The following RAD51B variants were observed in gnomAD, a reference collection of about 807,000 sequenced individuals.
RAD51B encodes the protein DNA repair protein RAD51 homolog 2.
RAD51B carries 38 observed loss-of-function variants against 42.2 expected under a neutral mutation model. That is an observed-to-expected ratio of 0.90 (90% CI 0.70 to 1.18). RAD51B has a LOEUF of 1.18. Ranked by LOEUF, RAD51B falls within the 50% of genes most tolerant of loss-of-function variation. The pLI is 0.00. For missense variants in RAD51B, 373 were observed against 400.7 expected (o/e 0.93, Z 0.59); for synonymous variants, 154 against 145.2 (o/e 1.06, Z -0.43).
chr14:68,568,573 G>C (rs12100958), intron 10 of RAD51B, among the ~76,000 whole-genome samples: 22 of 152,172 alleles, frequency 1.4e-4, no homozygotes, highest in African/African-American at 5.1e-4. Flanking sequence ...CAAGGGCTGG[G>C]TGGAGTTAAG....
intron 7 of RAD51B, among the ~76,000 whole-genome samples, chr14:68,231,888 A>G (rs951266436): frequency 3.3e-5 from 5 of 152,220 alleles, no homozygotes; most frequent in African/African-American, 9.6e-5. Flanking sequence ...TGCTGAACTT[A>G]TTATTGATAG....
intron 5 of RAD51B, among the ~76,000 whole-genome samples, chr14:67,881,391 T>C (rs2042901502): frequency 6.6e-6 from 1 of 152,222 alleles, no homozygotes; most frequent in South Asian, 2.1e-4. Context: ...AGTCTGATAC[T>C]TTCTGGTGGT....
intron 7 of RAD51B, among the ~76,000 whole-genome samples, chr14:68,054,847 G>A (rs541686433): frequency 1.1e-4 from 17 of 152,272 alleles, no homozygotes; most frequent in African/African-American, 4.1e-4. Context: ...GTGGGGGGCG[G>A]TTGGTCTTGG....
intron 11 of RAD51B, among the ~76,000 whole-genome samples, chr14:68,662,341 A>C (rs569352175): frequency 2.6e-5 from 4 of 152,320 alleles, no homozygotes; most frequent in African/African-American, 9.6e-5. Context: ...ATTATATTTC[A>C]TCTTGTTACA....
chr14:68,034,731 AT>A (rs1460357344), intron 7 of RAD51B, among the ~76,000 whole-genome samples: 1 of 152,132 alleles, frequency 6.6e-6, no homozygotes, highest in Non-Finnish European at 1.5e-5. Context: ...AAAAAGGTAA[AT>A]CTCTTGTTTT....
At chr14:68,067,620 C>T (rs948098041) in intron 7 of RAD51B, among the ~76,000 whole-genome samples, 3 of 151,906 alleles carry the variant, frequency 2.0e-5, no homozygotes, top group East Asian at 3.8e-4. Context: ...TCTCAAGGTT[C>T]GTACTATTCA....
At chr14:67,864,237 T>A (rs2042253731) in intron 4 of RAD51B, among the ~76,000 whole-genome samples, 1 of 152,198 alleles carries the variant, frequency 6.6e-6, no homozygotes, top group Admixed American at 6.5e-5. Context: ...CCAAACTACT[T>A]CTAGTTACAC....
chr14:68,176,069 G>C (rs528121081), intron 7 of RAD51B, among the ~76,000 whole-genome samples: 1 of 152,302 alleles, frequency 6.6e-6, no homozygotes, highest in South Asian at 2.1e-4. Flanking sequence ...GGATCCTCCT[G>C]CTGAGCCTGG....
At chr14:68,088,264 A>G (rs774920306) in intron 7 of RAD51B, among the ~76,000 whole-genome samples, 1 of 151,516 alleles carries the variant, frequency 6.6e-6, no homozygotes, top group Non-Finnish European at 1.5e-5. Flanking sequence ...GCATGCTATC[A>G]TAGTAAATAG....
chr14:68,260,319 G>GTGTGTGTGTGTGTGTGTGTGGGTGTGTGT (rs1555383057), intron 7 of RAD51B, among the ~76,000 whole-genome samples: 1 of 136,198 alleles, frequency 7.3e-6, no homozygotes, highest in Admixed American at 6.9e-5. Flanking sequence ...GTGTGTGTGT[G>GTGTGTGTGTGTGTGTGTGTGGGTGTGTGT]GAGAGGGGAA....
chr14:68,063,816 A>C (rs1595346454), intron 7 of RAD51B, among the ~76,000 whole-genome samples: 1 of 152,186 alleles, frequency 6.6e-6, no homozygotes, highest in South Asian at 2.1e-4. Flanking sequence ...TTTATTATAC[A>C]TTCCACCAGT....
At chr14:68,353,734 C>T (rs915229158) in intron 8 of RAD51B, among the ~76,000 whole-genome samples, 9 of 152,142 alleles carry the variant, frequency 5.9e-5, no homozygotes, top group African/African-American at 1.7e-4. Flanking sequence ...GTCTGGCTGT[C>T]GCAGCAGGGG....
chr14:68,450,946 C>T lies in RAD51B; in HGVS notation c.958-17226C>T, dbSNP rs377748600. On this transcript the variant is annotated intron_variant, in intron 9 of 10. Transcript: ENST00000471583. ...TGACTGTGGGGGCTCAGTGCCAGGC[C>T]ATGCTGCACCCCACAGAGGGCCCTG... 1.1e-4 allele frequency among the ~76,000 whole-genome samples: 17 copies of T among 152,240 alleles called. No individual in the cohort carries two copies. In the South Asian group the frequency reaches 2.9e-3, roughly 26 times the overall value.
chr14:68,504,648 CTTTTTTTTTCTTTCTTTTTTTTTT>C (rs1205548869), intron 10 of RAD51B, among the ~76,000 whole-genome samples: 1 of 114,408 alleles, frequency 8.7e-6, no homozygotes, highest in Non-Finnish European at 1.9e-5. Context: ...AGGAGTAATC[CTTTTTTTTTCTTTCTTTTTTTTTT>C]TTTTTTTTTT....
chr14:68,350,993 G>T (rs932790213), intron 8 of RAD51B, among the ~76,000 whole-genome samples: 5 of 152,130 alleles, frequency 3.3e-5, no homozygotes, highest in Admixed American at 2.6e-4. Flanking sequence ...TCATGGCTCT[G>T]GCCTTATTTT....
chr14:68,580,469 G>C (rs537428191), intron 10 of RAD51B, among the ~76,000 whole-genome samples: 1 of 150,574 alleles, frequency 6.6e-6, no homozygotes, highest in East Asian at 1.9e-4. Context: ...TCTGCAAATG[G>C]GCACTCTGGG....
chr14:68,396,110 C>G (rs1199064829), intron 8 of RAD51B, among the ~76,000 whole-genome samples: 2 of 152,148 alleles, frequency 1.3e-5, no homozygotes, highest in Non-Finnish European at 2.9e-5. Flanking sequence ...CAGAGTTGGG[C>G]TGACAGATTG....
intron 7 of RAD51B, among the ~76,000 whole-genome samples, chr14:68,086,403 G>A (rs888838066): frequency 2.0e-5 from 3 of 152,148 alleles, no homozygotes; most frequent in Non-Finnish European, 4.4e-5. Flanking sequence ...GCACAGGATG[G>A]GGGGCGTGAT....
chr14:68,638,673 G>C lies in RAD51B; in HGVS notation c.1037-12108G>C, dbSNP rs1412262336. On this transcript the variant is annotated intron_variant, in intron 10 of 11. Transcript: ENST00000488612. ...AGTAAGACCCAGGCTTGTGCTCAGA[G>C]AGCTGACGGTCCAGTGGGAGGAAAA... is the stretch of plus-strand genomic sequence containing the variant. 2.0e-5 allele frequency among the ~76,000 whole-genome samples: 3 copies of C among 152,116 alleles called. No individual in the cohort carries two copies. In the East Asian group the frequency reaches 5.8e-4, roughly 29 times the overall value.
Sources: allele counts gnomAD v4.1 joint callset (sites outside exome capture counted in the v4.1 genomes callset), GRCh38; gene constraint gnomAD v4.1.1; transcripts MANE v1.5; gene names NCBI Gene and HGNC (gene_info 2026-07-23, HGNC 2026-07-21).